Variants in GPC5 observed in about 807,000 individuals in gnomAD.
The protein encoded by GPC5 is glypican-5.
GPC5 carries 47 observed loss-of-function variants against 53.9 expected under a neutral mutation model. The observed-to-expected ratio is 0.87, with a 90% CI of 0.69 to 1.11. GPC5 has a LOEUF of 1.11. Among genes scored for constraint, GPC5 ranks in the 50% most tolerant of loss-of-function variants. GPC5 has a pLI of 0.00. For missense variants in GPC5, 748 were observed against 713.1 expected, an observed-to-expected ratio of 1.05 and a Z score of -0.56; for synonymous variants, 286 against 263.3, an observed-to-expected ratio of 1.09 and a Z score of -0.84.
intron 6 of GPC5, among the ~76,000 whole-genome samples, chr13:92,142,440 T>A (rs887655863): frequency 1.3e-5 from 2 of 152,226 alleles, no homozygotes; most frequent in Non-Finnish European, 2.9e-5. Flanking sequence ...TGTAGTTTTA[T>A]TTCTTAAAAA....
intron 7 of GPC5, among the ~76,000 whole-genome samples, chr13:92,660,370 C>T (rs182456766): frequency 5.9e-5 from 9 of 151,960 alleles, no homozygotes; most frequent in Admixed American, 3.3e-4. Context: ...AACAGCCAGA[C>T]ACACATAGGC....
At chr13:92,315,637 C>T (rs979178546) in intron 7 of GPC5, among the ~76,000 whole-genome samples, 8 of 152,126 alleles carry the variant, frequency 5.3e-5, no homozygotes, top group Non-Finnish European at 1.2e-4. Flanking sequence ...AGGGAAACTT[C>T]AGAGAGATTT....
intron 7 of GPC5, among the ~76,000 whole-genome samples, chr13:92,275,193 TATTA>T (rs1216904027): frequency 6.6e-6 from 1 of 152,140 alleles, no homozygotes; most frequent in African/African-American, 2.4e-5. Context: ...TTGAAATAGA[TATTA>T]ATTGATTCAT....
chr13:92,257,171 A>G (rs1195739127), intron 7 of GPC5, among the ~76,000 whole-genome samples: 1 of 152,158 alleles, frequency 6.6e-6, no homozygotes. Context: ...AAAAGAACCG[A>G]ATCAAAGTCA....
At chr13:92,439,031 A>C (rs946679900) in intron 7 of GPC5, among the ~76,000 whole-genome samples, 1 of 152,142 alleles carries the variant, frequency 6.6e-6, no homozygotes, top group Admixed American at 6.5e-5. Flanking sequence ...GGACTAGAGA[A>C]ATCCATGTGA....
intron 5 of GPC5, among the ~76,000 whole-genome samples, chr13:91,843,584 C>T (rs1240796694): frequency 2.0e-5 from 3 of 152,116 alleles, no homozygotes; most frequent in Non-Finnish European, 4.4e-5. Context: ...TGTTTTAAAA[C>T]AACTGAGAAA....
intron 4 of GPC5, among the ~76,000 whole-genome samples, chr13:91,732,434 A>G (rs1009674400): frequency 6.6e-6 from 1 of 150,578 alleles, no homozygotes; most frequent in Non-Finnish European, 1.5e-5. Flanking sequence ...CCTTTGTCAG[A>G]TGGGTGGATT....
At chr13:92,313,850 C>G (rs570852044) in intron 7 of GPC5, among the ~76,000 whole-genome samples, 5 of 152,140 alleles carry the variant, frequency 3.3e-5, no homozygotes, top group Non-Finnish European at 5.9e-5. Flanking sequence ...ACCGATTGCT[C>G]CATTTTAGCA....
At chr13:92,474,839 A>G (rs1188710928) in intron 7 of GPC5, among the ~76,000 whole-genome samples, 1 of 152,124 alleles carries the variant, frequency 6.6e-6, no homozygotes, top group Non-Finnish European at 1.5e-5. Context: ...AAAGTGAAGA[A>G]GACAGGAAGA....
rs1297740217 is a variant in GPC5, at chr13:91,474,881, TGGGTGA to T, written c.325+25960_325+25965del. On this transcript the variant is annotated intron_variant, in intron 2 of 7. Transcript: ENST00000377067. ...ACTTACACTTATTGGATATTTACTA[TGGGTGA>T]CACTACTATTAAAGTATATAGCATT... is the stretch of plus-strand genomic sequence containing the variant. 8.5e-5 allele frequency among the ~76,000 whole-genome samples: 13 copies of T among 152,288 alleles called. No individual in the cohort carries two copies. The South Asian group carries it at 2.7e-3, about 32-fold the overall frequency.
chr13:91,816,889 G>A lies in GPC5; in HGVS notation c.1280+60469G>A, dbSNP rs117041532. On this transcript the variant is annotated intron_variant, in intron 5 of 7. Coordinates refer to ENST00000377067, the MANE Select transcript of GPC5 (RefSeq NM_004466.6). ...GGACTTGGTAAATTGATTAACCTGG[G>A]TATGGCTCAGTTAAAACTTGCCTCA... Among the ~76,000 whole-genome samples the A allele has an allele frequency of 5.3e-3, 804 of 152,188 alleles. 4 individuals carry two copies. Among genetic ancestry groups the A allele is most frequent in the Non-Finnish European group, 8.5e-3 (578 of 68,012 alleles).
chr13:92,663,001 A>C (rs1403136725), intron 7 of GPC5, among the ~76,000 whole-genome samples: 1 of 152,196 alleles, frequency 6.6e-6, no homozygotes, highest in Non-Finnish European at 1.5e-5. Flanking sequence ...TTAAGAACCA[A>C]ACACATGATC....
At chr13:91,906,001 T>C (rs572466725) in intron 5 of GPC5, among the ~76,000 whole-genome samples, 1 of 152,148 alleles carries the variant, frequency 6.6e-6, no homozygotes, top group East Asian at 1.9e-4. Flanking sequence ...GTAGTGTACA[T>C]TGTACCAAAC....
chr13:92,298,760 A>G (rs952062629), intron 7 of GPC5, among the ~76,000 whole-genome samples: 1 of 152,038 alleles, frequency 6.6e-6, no homozygotes, highest in African/African-American at 2.4e-5. Context: ...TCCTGTAGTC[A>G]TTCTGGAGCA....
chr13:91,939,805 T>G (rs1258370334), intron 6 of GPC5, among the ~76,000 whole-genome samples: 1 of 152,124 alleles, frequency 6.6e-6, no homozygotes, highest in Non-Finnish European at 1.5e-5. Context: ...GAGATGGAAC[T>G]GACATACTGA....
intron 7 of GPC5, among the ~76,000 whole-genome samples, chr13:92,810,883 G>C (rs1417769782): frequency 1.3e-5 from 2 of 151,812 alleles, no homozygotes; most frequent in African/African-American, 4.9e-5. Flanking sequence ...ACCACAACCA[G>C]CTAATTTTTT....
chr13:91,750,719 T>C (rs1382192721), intron 4 of GPC5, among the ~76,000 whole-genome samples: 1 of 140,266 alleles, frequency 7.1e-6, no homozygotes, highest in Non-Finnish European at 1.5e-5. Flanking sequence ...TCGCTCTTGC[T>C]GCCCAGGCTG....
intron 1 of GPC5, among the ~76,000 whole-genome samples, chr13:91,435,706 T>C (rs1218862317): frequency 6.6e-6 from 1 of 152,234 alleles, no homozygotes; most frequent in Non-Finnish European, 1.5e-5. Context: ...CCTCATAAAA[T>C]AAGTTAGGGA....
At chr13:92,074,713 G>T (rs1473255492) in intron 6 of GPC5, among the ~76,000 whole-genome samples, 2 of 152,174 alleles carry the variant, frequency 1.3e-5, no homozygotes, top group African/African-American at 4.8e-5. Flanking sequence ...ATGCAGGAAG[G>T]TATTTGTAAC....
Sources: gnomAD v4.1 joint callset for allele counts (sites outside exome capture counted in the v4.1 genomes callset) on GRCh38, gnomAD v4.1.1 for gene constraint, MANE v1.5 for transcripts, NCBI Gene and HGNC (gene_info 2026-07-23, HGNC 2026-07-21) for gene names.